The following ZNF98 variants were observed in gnomAD, a reference collection of about 807,000 sequenced individuals.
The protein encoded by ZNF98 is zinc finger protein 739.
A neutral mutation model predicts 12.8 loss-of-function variants in ZNF98; 8 were observed. That is an observed-to-expected ratio of 0.63 (90% CI 0.37 to 1.13). The LOEUF is 1.13. ZNF98 is among the 50% of genes most tolerant of loss of function. The pLI is 0.01. For synonymous variants in ZNF98, 112 were observed against 223.5 expected, an observed-to-expected ratio of 0.50 and a Z score of 4.45; for missense variants, 379 against 666.1, an observed-to-expected ratio of 0.57 and a Z score of 4.74.
At chr19:22,404,679 T>C (rs1011896706) in intron 1 of ZNF98, among the ~76,000 whole-genome samples, 1 of 152,194 alleles carries the variant, frequency 6.6e-6, no homozygotes, top group Non-Finnish European at 1.5e-5. Context: ...CTGAATTTAA[T>C]CATAAAGAAA....
chr19:22,410,857 ATTAG>A (rs1053567152), intron 1 of ZNF98, among the ~76,000 whole-genome samples: 1 of 152,140 alleles, frequency 6.6e-6, no homozygotes, highest in Non-Finnish European at 1.5e-5. Flanking sequence ...CATTATTAGC[ATTAG>A]TTAGAGAGCA....
At chr19:22,418,345 C>A (rs1599391975) in intron 1 of ZNF98, among the ~76,000 whole-genome samples, 1 of 151,940 alleles carries the variant, frequency 6.6e-6, no homozygotes, top group Non-Finnish European at 1.5e-5. Context: ...AAAAATATAA[C>A]CCCCAAAAGA....
intron 1 of ZNF98, among the ~76,000 whole-genome samples, chr19:22,408,968 G>T (rs1316967292): frequency 1.3e-5 from 2 of 152,062 alleles, no homozygotes; most frequent in Non-Finnish European, 1.5e-5. Flanking sequence ...CCAAAAAAGA[G>T]CCCATATAGC....
intron 2 of ZNF98, among the ~76,000 whole-genome samples, 159 bp from the exon 3 acceptor site, chr19:22,403,043 T>G (rs1033236963): frequency 6.6e-6 from 1 of 151,828 alleles, no homozygotes; most frequent in Non-Finnish European, 1.5e-5. Context: ...TATTTTAATT[T>G]TGTAAGTTCT....
At chr19:22,403,271 C>CAAA in intron 2 of ZNF98, 115 bp downstream of exon 2, 27 of 1,017,556 alleles carry the variant, frequency 2.7e-5, no homozygotes, top group South Asian at 6.6e-5. Flanking sequence ...AAAAAAAAAA[C>CAAA]AAAAAAAAAA....
Position 22,422,319 on chromosome 19 carries a change from A to G in ZNF98, c.-95T>C, listed in dbSNP as rs1351923240. On this transcript the variant is annotated 5_prime_UTR_variant, in exon 1 of 4. Coordinates refer to ENST00000357774, the MANE Select transcript of ZNF98 (RefSeq NM_001098626.2). ...ACAGAAGGGCGAAGACGAGACCAGG[A>G]ACTCCGGCTGCAGCGAGAGACAAAG... is the stretch of plus-strand genomic sequence containing the variant. The G allele has an allele frequency of 6.9e-7, 1 of 1,448,806 alleles. No individual in the cohort carries two copies. Among genetic ancestry groups the G allele is most frequent in the Non-Finnish European group, 9.7e-7 (1 of 1,036,096 alleles). The allele number at this position is 1,448,806 out of a possible 1,614,324, so 89.7% of individuals were successfully genotyped here. A position where few individuals can be genotyped will look rare whatever the true frequency, so the allele number is the denominator to read the frequency against.
intron 1 of ZNF98, among the ~76,000 whole-genome samples, chr19:22,417,585 T>C (rs1969659733): frequency 6.6e-6 from 1 of 152,108 alleles, no homozygotes; most frequent in Non-Finnish European, 1.5e-5. Context: ...TGGATTTTTG[T>C]GTTTATGCAA....
rs1430549966 is a variant in ZNF98, at chr19:22,391,433, T to C, written c.*83A>G. The C allele has an allele frequency of 3.3e-6, 5 of 1,501,708 alleles. No homozygotes were observed. The highest frequency in any genetic ancestry group is 1.4e-5 in the African/African-American group (1 of 71,422). 93.0% of individuals were successfully genotyped at this position (1,501,708 alleles called of 1,614,324 possible). On this transcript the variant is annotated 3_prime_UTR_variant, in exon 4 of 4. Coordinates refer to ENST00000357774, the MANE Select transcript of ZNF98 (RefSeq NM_001098626.2). ...AGTTTTGCCACACTGTTCACACTTG[T>C]AGAAGTTTTCTCCAGAATGAATTAC...
At position 22,416,725 on chromosome 19, in the gene ZNF98, C is replaced by T. The variant is rs553455542; in HGVS notation, c.30+5470G>A. Among the ~76,000 whole-genome samples the T allele has an allele frequency of 2.2e-4, 34 of 151,986 alleles. No individual in the cohort carries two copies. In the East Asian group the frequency reaches 6.1e-3, roughly 27 times the overall value. ...CAAGATCGTGCCACTGCACTCCAGC[C>T]TGGGAGACAAGAGAGAAGCTCCATC... On this transcript the variant is annotated intron_variant, in intron 1 of 3. Coordinates refer to ENST00000357774, the MANE Select transcript of ZNF98 (RefSeq NM_001098626.2).
At position 22,422,322 on chromosome 19, in the gene ZNF98, T is replaced by C. The variant is rs1969714354; in HGVS notation, c.-98A>G. ...GAAGGGCGAAGACGAGACCAGGAAC[T>C]CCGGCTGCAGCGAGAGACAAAGACC... On this transcript the variant is annotated 5_prime_UTR_variant, in exon 1 of 4. Transcript: ENST00000357774. 1 of 1,439,980 alleles carries C rather than the reference T, an allele frequency of 6.9e-7. No individual in the cohort carries two copies. The highest frequency in any genetic ancestry group is 9.7e-7 in the Non-Finnish European group (1 of 1,029,014). 89.2% of individuals were successfully genotyped at this position (1,439,980 alleles called of 1,614,324 possible). A position where few individuals can be genotyped will look rare whatever the true frequency, so the allele number is the denominator to read the frequency against.
At position 22,391,754 on chromosome 19, in the gene ZNF98, T is replaced by C. The variant is rs1248163483; in HGVS notation, c.1481A>G (p.Glu494Gly). ...HTGEKPYKCE[E>G]CGKAFNQSSH... is the part of the protein sequence containing the mutation. ...GGACTGGTTAAAAGCTTTGCCACAT[T>C]CTTCACATTTGTAGGGCTTCTCTCC... Residue 494 changes from glutamate (E) to glycine (G), a missense_variant, in exon 4 of 4, where the codon GAA becomes GGA. Around this residue, in one of 8 missense-constraint regions of ZNF98, gnomAD observed 15 missense variants for 28.7 expected, o/e 0.52. Coordinates refer to ENST00000357774, the MANE Select transcript of ZNF98 (RefSeq NM_001098626.2). The C allele has an allele frequency of 6.2e-7, 1 of 1,603,534 alleles. No homozygotes were observed. Among genetic ancestry groups the C allele is most frequent in the African/African-American group, 1.3e-5 (1 of 74,598 alleles).
rs1278113595 is a variant in ZNF98 at position 22,391,101 on chromosome 19, T to C, written c.*415A>G. Reference sequence around the variant, plus strand: ...CTGATGTTGAACAAAGTTTGAGCAATTGCCTCAGGGTTTGCTCTAATACAG... The same window carrying C: ...CTGATGTTGAACAAAGTTTGAGCAACTGCCTCAGGGTTTGCTCTAATACAG... On this transcript the variant is annotated 3_prime_UTR_variant, in exon 4 of 4. Transcript: ENST00000357774. 6.3e-6 allele frequency: 1 copy of C among 158,280 alleles called. No homozygotes were observed. Among genetic ancestry groups the C allele is most frequent in the East Asian group, 1.9e-4 (1 of 5,270 alleles). The allele number at this position is 158,280 out of a possible 1,614,324, so 9.8% of individuals were successfully genotyped here. A position where few individuals can be genotyped will look rare whatever the true frequency, so the allele number is the denominator to read the frequency against.
intron 1 of ZNF98, among the ~76,000 whole-genome samples, chr19:22,418,651 GGTGGATCACCT>G (rs1456959386): frequency 2.0e-5 from 3 of 152,216 alleles, no homozygotes; most frequent in Non-Finnish European, 4.4e-5. Flanking sequence ...GGCTGAGGCA[GGTGGATCACCT>G]GAGGTCAGGA....
At chr19:22,405,918 C>A (rs1969513962) in intron 1 of ZNF98, among the ~76,000 whole-genome samples, 1 of 152,128 alleles carries the variant, frequency 6.6e-6, no homozygotes, top group Non-Finnish European at 1.5e-5. Flanking sequence ...TGTGGGGCCA[C>A]CCTGCAGGAA....
At chr19:22,405,070 T>C (rs1969504538) in intron 1 of ZNF98, among the ~76,000 whole-genome samples, 1 of 151,978 alleles carries the variant, frequency 6.6e-6, no homozygotes. Context: ...GAAGCCATGA[T>C]GTTGAGAATG....
At chr19:22,405,053 C>T (rs538861961) in intron 1 of ZNF98, among the ~76,000 whole-genome samples, 8 of 151,840 alleles carry the variant, frequency 5.3e-5, no homozygotes, top group Non-Finnish European at 5.9e-5. Flanking sequence ...TTCTTTATGA[C>T]GTGTAAGAAG....
chr19:22,402,000 A>G (rs1969462832), intron 3 of ZNF98, among the ~76,000 whole-genome samples: 1 of 150,376 alleles, frequency 6.6e-6, no homozygotes, highest in African/African-American at 2.4e-5. Flanking sequence ...ATATGGTGAC[A>G]CCCCGTCTCT....
In ZNF98 at chr19:22,402,846, C is replaced by T; in HGVS notation, c.196G>A (p.Glu66Lys). Residue 66 changes from glutamate (E) to lysine (K), a missense_variant, in exon 3 of 4, where the codon GAG (glutamate) becomes AAG (lysine). Around this residue, in one of 8 missense-constraint regions of ZNF98, gnomAD observed 223 missense variants for 261.6 expected, o/e 0.85. Transcript: ENST00000357774. ...ACATTCCAAGGTTCTTTTCCTTGCT[C>T]CAGACAGGTGATCAGGTCTGGCTTA... is the stretch of plus-strand genomic sequence containing the variant. ...ASKPDLITCL[E>K]QGKEPWNVKR... 1.3e-6 allele frequency: 2 copies of T among 1,591,166 alleles called. No individual in the cohort carries two copies. Among genetic ancestry groups the T allele is most frequent in the Non-Finnish European group, 1.7e-6 (2 of 1,173,992 alleles).
At chr19:22,419,620 T>G (rs2145124622) in intron 1 of ZNF98, among the ~76,000 whole-genome samples, 1 of 152,246 alleles carries the variant, frequency 6.6e-6, no homozygotes, top group South Asian at 2.1e-4. Flanking sequence ...GGGGATGAAA[T>G]TATAAGGCGC....
Sources: gnomAD v4.1 joint callset for allele counts (sites outside exome capture counted in the v4.1 genomes callset) on GRCh38, gnomAD v4.1.1 for gene constraint, gnomAD v4.1.1 regional missense constraint, MANE v1.5 for transcripts, NCBI Gene and HGNC (gene_info 2026-07-23, HGNC 2026-07-21) for gene names.